Variants in ZC3HC1 observed in about 807,000 individuals in gnomAD.
ZC3HC1 encodes the protein zinc finger C3HC-type containing 1.
ZC3HC1 carries 38 observed loss-of-function variants against 61.9 expected under a neutral mutation model. That is an observed-to-expected ratio of 0.61 (90% CI 0.47 to 0.81). ZC3HC1 has a LOEUF of 0.81. ZC3HC1 is among the 30% of genes least tolerant of loss of function. The probability of loss-of-function intolerance (pLI) is 0.00; values close to 1 mark genes in which losing one functional copy is unlikely to be tolerated. For synonymous variants in ZC3HC1, 213 were observed against 229.9 expected, an observed-to-expected ratio of 0.93 and a Z score of 0.67; for missense variants, 554 against 622.7, an observed-to-expected ratio of 0.89 and a Z score of 1.17.
chr7:130,041,823 G>A (rs777093325), intron 2 of ZC3HC1, among the ~76,000 whole-genome samples: 10 of 151,994 alleles, frequency 6.6e-5, no homozygotes, highest in Admixed American at 3.9e-4. Context: ...CACTGTGCCC[G>A]GCCCAACTCA....
chr7:130,024,311 CCTCCGAGGAGATT>C lies in ZC3HC1; in HGVS notation c.959_971del (p.Glu320GlyfsTer2), dbSNP rs1266716258. 1 of 1,613,944 alleles carries C rather than the reference CCTCCGAGGAGATT, an allele frequency of 6.2e-7. No individual in the cohort carries two copies. The highest frequency in any genetic ancestry group is 8.5e-7 in the Non-Finnish European group (1 of 1,179,984). On this transcript the variant is annotated frameshift_variant, in exon 7 of 10. Transcript: ENST00000358303. LOFTEE classifies it high-confidence loss of function. Reference sequence around the variant, plus strand: ...TGGCATCCTGGCTCCGGGTCATCATCCTCCGAGGAGATTCAGGCACCAGAGGTAAGCGCTCTGG... The same window carrying C: ...TGGCATCCTGGCTCCGGGTCATCATCCAGGCACCAGAGGTAAGCGCTCTGG...
intron 2 of ZC3HC1, 60 bp from the exon 3 acceptor site, chr7:130,041,161 T>TGC: frequency 2.0e-6 from 3 of 1,511,950 alleles, no homozygotes; most frequent in Non-Finnish European, 2.7e-6. Flanking sequence ...TGTATGTGTG[T>TGC]GTGTGTGTGT....
chr7:130,051,151 A>G (rs958078105), intron 1 of ZC3HC1, 70 bp downstream of exon 1: 2 of 1,528,542 alleles, frequency 1.3e-6, no homozygotes, highest in Non-Finnish European at 1.7e-6. Context: ...ACCTCCCCCA[A>G]CCCGCCACCC....
rs1367146642 is a variant in ZC3HC1 at position 130,022,537 on chromosome 7, G to T, written c.1234-12C>A. On this transcript the variant is annotated splice_polypyrimidine_tract_variant and intron_variant, in intron 8 of 9. Coordinates refer to ENST00000358303, the MANE Select transcript of ZC3HC1 (RefSeq NM_016478.5). ...CGGGAAGATGTGTCCTGAGGAAGGA[G>T]AAAAAGAAATAGCATTCATAGGTAG... 9 of 1,613,750 alleles carry T rather than the reference G, an allele frequency of 5.6e-6. No homozygotes were observed. Among genetic ancestry groups the T allele is most frequent in the Non-Finnish European group, 6.8e-6 (8 of 1,179,914 alleles).
intron 2 of ZC3HC1, among the ~76,000 whole-genome samples, chr7:130,041,566 C>T (rs763865976): frequency 6.7e-6 from 1 of 149,928 alleles, no homozygotes; most frequent in Non-Finnish European, 1.5e-5. Context: ...GCTCTGTCAC[C>T]CTGGCTGGAG....
rs1793465054 is a variant in ZC3HC1 at position 130,018,385 on chromosome 7, G to C, written c.*279C>G. The C allele has an allele frequency of 2.8e-6, 1 of 353,752 alleles. No individual in the cohort carries two copies. Among genetic ancestry groups the C allele is most frequent in the Non-Finnish European group, 5.2e-6 (1 of 194,108 alleles). 21.9% of individuals were successfully genotyped at this position (353,752 alleles called of 1,614,324 possible). On this transcript the variant is annotated 3_prime_UTR_variant, in exon 10 of 10. Transcript: ENST00000358303. Reference sequence around the variant, plus strand: ...CCACATTGAAGATGCTGAAATGGGTGGTCAGGTCCTTAGTCTTCCTTCTAG... The same window carrying C: ...CCACATTGAAGATGCTGAAATGGGTCGTCAGGTCCTTAGTCTTCCTTCTAG...
intron 4 of ZC3HC1, among the ~76,000 whole-genome samples, chr7:130,038,016 A>C (rs143717595): frequency 6.6e-6 from 1 of 152,188 alleles, no homozygotes; most frequent in Non-Finnish European, 1.5e-5. Flanking sequence ...GGCTGGTCTC[A>C]AACTCCTAAA....
intron 6 of ZC3HC1, among the ~76,000 whole-genome samples, chr7:130,025,338 C>G (rs906194497): frequency 3.3e-5 from 5 of 150,722 alleles, no homozygotes; most frequent in African/African-American, 1.2e-4. Flanking sequence ...TAAATATGCT[C>G]TCTTTGGTAG....
intron 3 of ZC3HC1, among the ~76,000 whole-genome samples, chr7:130,040,275 A>C (rs1375254554): frequency 2.0e-5 from 3 of 147,706 alleles, no homozygotes; most frequent in Non-Finnish European, 4.5e-5. Flanking sequence ...CGGGTGGATC[A>C]CAAGGTCAGG....
chr7:130,039,009 G>C (rs974282604), intron 4 of ZC3HC1, among the ~76,000 whole-genome samples: 2 of 151,724 alleles, frequency 1.3e-5, no homozygotes, highest in African/African-American at 4.8e-5. Flanking sequence ...TAACACAAGT[G>C]AATATAAGTT....
In ZC3HC1 at chr7:130,051,133, C is replaced by A. The variant is rs1795057950; in HGVS notation, c.146+88G>T. On this transcript the variant is annotated intron_variant, in intron 1 of 9. Coordinates refer to ENST00000358303, the MANE Select transcript of ZC3HC1 (RefSeq NM_016478.5). ...CATCCCCACTGCCCGAGTCGCCGAC[C>A]GAGGGGAACCTCCCCCAACCCGCCA... 5.4e-6 allele frequency: 8 copies of A among 1,490,248 alleles called. No individual in the cohort carries two copies. In the South Asian group the frequency reaches 1.1e-4, roughly 21 times the overall value. The allele number at this position is 1,490,248 out of a possible 1,614,324, so 92.3% of individuals were successfully genotyped here.
At chr7:130,038,156 T>C (rs1283016028) in intron 4 of ZC3HC1, among the ~76,000 whole-genome samples, 2 of 152,204 alleles carry the variant, frequency 1.3e-5, no homozygotes, top group South Asian at 2.1e-4. Context: ...TATTCCAAAG[T>C]GTTCTGTGCA....
intron 4 of ZC3HC1, among the ~76,000 whole-genome samples, chr7:130,033,293 G>A (rs978949963): frequency 3.3e-5 from 5 of 151,978 alleles, no homozygotes; most frequent in African/African-American, 4.8e-5. Flanking sequence ...TTCAGCCTCC[G>A]AAAGTGCTGG....
At chr7:130,040,318 C>T (rs1328117054) in intron 3 of ZC3HC1, among the ~76,000 whole-genome samples, 2 of 148,968 alleles carry the variant, frequency 1.3e-5, no homozygotes, top group Admixed American at 6.7e-5. Flanking sequence ...CACGGTGAAA[C>T]CCCGTCTCTA....
chr7:130,024,584 C>A lies in ZC3HC1; in HGVS notation c.777-78G>T, dbSNP rs1008457750. ...CTAAGTGCAATGTCTTGTGAGTATG[C>A]CTTATCTCATCCAATTTCTGGAACA... is the stretch of plus-strand genomic sequence containing the variant. On this transcript the variant is annotated intron_variant, in intron 6 of 9. Coordinates refer to ENST00000358303, the MANE Select transcript of ZC3HC1 (RefSeq NM_016478.5). 12 of 1,471,744 alleles carry A rather than the reference C, an allele frequency of 8.2e-6. No homozygotes were observed. In the East Asian group the frequency reaches 2.8e-4, roughly 34 times the overall value. The allele number at this position is 1,471,744 out of a possible 1,614,324, so 91.2% of individuals were successfully genotyped here. A position where few individuals can be genotyped will look rare whatever the true frequency, so the allele number is the denominator to read the frequency against.
intron 2 of ZC3HC1, among the ~76,000 whole-genome samples, chr7:130,046,915 A>G (rs1794890012): frequency 1.3e-5 from 2 of 150,728 alleles, no homozygotes; most frequent in South Asian, 4.2e-4. Flanking sequence ...CAGCCTCCTG[A>G]GTAGCTGGGA....
intron 3 of ZC3HC1, 122 bp downstream of exon 3, chr7:130,040,827 TAA>T: frequency 1.9e-6 from 2 of 1,035,668 alleles, no homozygotes; most frequent in Non-Finnish European, 2.8e-6. Context: ...AAAAAAAGAT[TAA>T]AAAAAAAGAT....
At chr7:130,035,477 G>C (rs1229336312) in intron 4 of ZC3HC1, among the ~76,000 whole-genome samples, 1 of 151,266 alleles carries the variant, frequency 6.6e-6, no homozygotes, top group Non-Finnish European at 1.5e-5. Context: ...GGAGGCGGAG[G>C]TTGCAGTGAG....
intron 9 of ZC3HC1, among the ~76,000 whole-genome samples, chr7:130,020,013 C>G (rs1178223283): frequency 6.6e-6 from 1 of 151,704 alleles, no homozygotes; most frequent in African/African-American, 2.4e-5. Context: ...GATGGAGTTT[C>G]ACCATGTTGG....
Sources: allele counts gnomAD v4.1 joint callset (sites outside exome capture counted in the v4.1 genomes callset), GRCh38; gene constraint gnomAD v4.1.1; transcripts MANE v1.5; gene names NCBI Gene and HGNC (gene_info 2026-07-23, HGNC 2026-07-21).